ZNF407: variants seen among roughly 807,000 people sequenced by gnomAD.
The protein encoded by ZNF407 is zinc finger protein 407.
Under a neutral mutation model 131.2 loss-of-function variants are expected in ZNF407, and 17 were observed. The observed-to-expected ratio is 0.13, with a 90% CI of 0.09 to 0.19. The LOEUF is 0.19. ZNF407 is among the 10% of genes least tolerant of loss of function. ZNF407 has a pLI of 1.00. For synonymous variants in ZNF407, 1,156 were observed against 1,062.0 expected (o/e 1.09, Z -1.72); for missense variants, 2,681 against 2,830.6 (o/e 0.95, Z 1.20).
At chr18:74,735,644 T>C (rs1349106044) in intron 3 of ZNF407, among the ~76,000 whole-genome samples, 1 of 152,202 alleles carries the variant, frequency 6.6e-6, no homozygotes. Flanking sequence ...TATTTAAATA[T>C]TAATGTTTAA....
In ZNF407 at chr18:74,620,692, G is replaced by A. The variant is rs1983475777; in HGVS notation, c.-53-10275G>A. ...TGGAGAAAGTTCTTTGTAGGGTCAGGCTACATGTGGCATGCAGGAAACTTT... is the reference window on the plus strand; with the variant it reads ...TGGAGAAAGTTCTTTGTAGGGTCAGACTACATGTGGCATGCAGGAAACTTT... On this transcript the variant is annotated intron_variant, in intron 1 of 8. Coordinates refer to ENST00000299687, the MANE Select transcript of ZNF407 (RefSeq NM_017757.3). Among the ~76,000 whole-genome samples, 11 of 152,282 alleles carry A rather than the reference G, an allele frequency of 7.2e-5. 1 individual carries two copies. The South Asian group carries it at 2.3e-3, about 32-fold the overall frequency.
chr18:74,845,658 A>G (rs1378420646), intron 4 of ZNF407, among the ~76,000 whole-genome samples: 1 of 152,238 alleles, frequency 6.6e-6, no homozygotes, highest in Non-Finnish European at 1.5e-5. Flanking sequence ...ATGCTGATCT[A>G]TTTGAAGAAA....
chr18:74,964,312 C>G (rs781553266), intron 8 of ZNF407, among the ~76,000 whole-genome samples: 4 of 152,204 alleles, frequency 2.6e-5, no homozygotes, highest in African/African-American at 4.8e-5. Context: ...CCCATATGCA[C>G]ATGCATCTCT....
chr18:75,006,391 A>G lies in ZNF407; in HGVS notation c.5429-56759A>G, dbSNP rs538233232. 3.3e-5 allele frequency among the ~76,000 whole-genome samples: 5 copies of G among 152,250 alleles called. No homozygotes were observed. In the East Asian group the frequency reaches 9.6e-4, roughly 29 times the overall value. On this transcript the variant is annotated intron_variant, in intron 8 of 8. Coordinates refer to ENST00000299687, the MANE Select transcript of ZNF407 (RefSeq NM_017757.3). Reference sequence around the variant, plus strand: ...AATCAGTTAATTTCTTTTCTTATATAGGCATTAACACTAGAGGTCCTAAAT... The same window carrying G: ...AATCAGTTAATTTCTTTTCTTATATGGGCATTAACACTAGAGGTCCTAAAT...
chr18:74,845,066 C>A lies in ZNF407; in HGVS notation c.4878-32131C>A, dbSNP rs537404826. On this transcript the variant is annotated intron_variant, in intron 4 of 8. Transcript: ENST00000299687. ...ACCCACATAAAGAGAGCAGGATGCT[C>A]TGCTGCCTTCAGGGTGCCCGGCTTG... Among the ~76,000 whole-genome samples the A allele has an allele frequency of 2.0e-5, 3 of 152,350 alleles. No homozygotes were observed. In the South Asian group the frequency reaches 6.2e-4, roughly 32 times the overall value.
At chr18:74,914,408 T>C (rs1232323044) in intron 7 of ZNF407, among the ~76,000 whole-genome samples, 1 of 152,206 alleles carries the variant, frequency 6.6e-6, no homozygotes, top group Non-Finnish European at 1.5e-5. Flanking sequence ...GCCGGAGCCA[T>C]GCAGTGTGTG....
At chr18:74,672,100 G>A (rs557878702) in intron 3 of ZNF407, among the ~76,000 whole-genome samples, 7 of 152,232 alleles carry the variant, frequency 4.6e-5, no homozygotes, top group African/African-American at 1.7e-4. Context: ...CTGGGGGGTA[G>A]TGCTGATTTT....
chr18:75,030,184 G>A (rs1247961534), intron 8 of ZNF407, among the ~76,000 whole-genome samples: 1 of 152,192 alleles, frequency 6.6e-6, no homozygotes, highest in Non-Finnish European at 1.5e-5. Flanking sequence ...TGCCTGAATT[G>A]TGAATCTTCA....
At chr18:75,041,120 G>T (rs1417900479) in intron 8 of ZNF407, among the ~76,000 whole-genome samples, 2 of 152,182 alleles carry the variant, frequency 1.3e-5, no homozygotes, top group African/African-American at 4.8e-5. Flanking sequence ...AGTGCCCTGT[G>T]CAATGGACGT....
chr18:74,796,756 C>T (rs1196636429), intron 4 of ZNF407, among the ~76,000 whole-genome samples: 2 of 151,980 alleles, frequency 1.3e-5, no homozygotes, highest in Admixed American at 6.6e-5. Context: ...TGGGTTTGAA[C>T]GTAATTCTAT....
intron 7 of ZNF407, among the ~76,000 whole-genome samples, chr18:74,890,573 T>C (rs951572800): frequency 2.6e-5 from 4 of 152,250 alleles, no homozygotes; most frequent in African/African-American, 4.8e-5. Context: ...ATTGCATTTC[T>C]CAAAGTAAGG....
intron 8 of ZNF407, among the ~76,000 whole-genome samples, chr18:74,971,976 G>A (rs1972477753): frequency 6.6e-6 from 1 of 152,310 alleles, no homozygotes; most frequent in African/African-American, 2.4e-5. Flanking sequence ...GGCAGCAAGA[G>A]AAAATGAGGA....
chr18:75,009,907 A>G (rs932793221), intron 8 of ZNF407, among the ~76,000 whole-genome samples: 1 of 152,226 alleles, frequency 6.6e-6, no homozygotes, highest in Non-Finnish European at 1.5e-5. Context: ...TTCTAAAATC[A>G]GAAATCCCAA....
intron 3 of ZNF407, among the ~76,000 whole-genome samples, chr18:74,732,348 G>A (rs527469681): frequency 6.1e-4 from 93 of 152,234 alleles, no homozygotes; most frequent in Middle Eastern, 3.4e-3. Flanking sequence ...GCCCCTTCCT[G>A]CCTTTGGACT....
At chr18:75,038,604 G>T (rs1973337557) in intron 8 of ZNF407, among the ~76,000 whole-genome samples, 1 of 152,160 alleles carries the variant, frequency 6.6e-6, no homozygotes. Context: ...TAAAGGAAGG[G>T]AAGCACCATG....
intron 4 of ZNF407, among the ~76,000 whole-genome samples, chr18:74,869,325 G>T (rs1971055347): frequency 6.6e-6 from 1 of 152,128 alleles, no homozygotes; most frequent in Non-Finnish European, 1.5e-5. Context: ...TTTAATATAT[G>T]TCTTATTCTC....
At chr18:74,744,587 C>T (rs918395566) in intron 3 of ZNF407, among the ~76,000 whole-genome samples, 3 of 151,946 alleles carry the variant, frequency 2.0e-5, no homozygotes, top group African/African-American at 7.3e-5. Flanking sequence ...GGGGAGAAAA[C>T]AAGTTTGTGG....
chr18:75,012,146 A>G (rs1404732220), intron 8 of ZNF407, among the ~76,000 whole-genome samples: 2 of 152,148 alleles, frequency 1.3e-5, no homozygotes, highest in East Asian at 3.9e-4. Flanking sequence ...TGTAGAATGT[A>G]TCGTCAATAC....
At chr18:74,812,005 C>G (rs1164242847) in intron 4 of ZNF407, among the ~76,000 whole-genome samples, 2 of 149,356 alleles carry the variant, frequency 1.3e-5, no homozygotes, top group African/African-American at 2.6e-5. Context: ...ACATTGTGCA[C>G]ATGTACCCTA....
Sources: gnomAD v4.1 joint callset for allele counts (sites outside exome capture counted in the v4.1 genomes callset) on GRCh38, gnomAD v4.1.1 for gene constraint, MANE v1.5 for transcripts, NCBI Gene and HGNC (gene_info 2026-07-23, HGNC 2026-07-21) for gene names.